Variants in CINP observed in about 807,000 individuals in gnomAD.
CINP encodes the protein cyclin-dependent kinase 2-interacting protein.
In CINP, 11 loss-of-function variants were observed where a neutral mutation model predicts 20.5. The observed-to-expected ratio is 0.54, with a 90% CI of 0.34 to 0.89. The LOEUF (loss-of-function observed/expected upper bound fraction) is 0.89. CINP is among the 40% of genes least tolerant of loss of function. The pLI, the probability that CINP is intolerant of heterozygous loss-of-function variation, is 0.02. For missense variants in CINP, 213 were observed against 251.0 expected, an observed-to-expected ratio of 0.85 and a Z score of 1.02; for synonymous variants, 108 against 102.1, an observed-to-expected ratio of 1.06 and a Z score of -0.35.
At chr14:102,354,658 G>T (rs1269538877) in intron 3 of CINP, among the ~76,000 whole-genome samples, 1 of 152,154 alleles carries the variant, frequency 6.6e-6, no homozygotes, top group East Asian at 1.9e-4. Flanking sequence ...GTGGAAGGTT[G>T]AGGCACAAGA....
intron 4 of CINP, 54 bp downstream of exon 4, chr14:102,349,865 A>G (rs1225085435): frequency 6.3e-6 from 10 of 1,598,364 alleles, no homozygotes; most frequent in African/African-American, 1.3e-5. Context: ...ACGATACTAA[A>G]TGCCCTTAAT....
rs992716851 is a variant in CINP at position 102,362,750 on chromosome 14, A to T, written c.7+95T>A. 8 of 1,515,332 alleles carry T rather than the reference A, an allele frequency of 5.3e-6. No individual in the cohort carries two copies. The African/African-American group carries it at 1.1e-4, about 21-fold the overall frequency. The allele number at this position is 1,515,332 out of a possible 1,614,324, so 93.9% of individuals were successfully genotyped here. A position where few individuals can be genotyped will look rare whatever the true frequency, so the allele number is the denominator to read the frequency against. ...AGAGGACCTCCATTTAACCTCATGT[A>T]ATCCGGGGAGCTCCTGAGCTTCTGG... is the stretch of plus-strand genomic sequence containing the variant. On this transcript the variant is annotated intron_variant, in intron 1 of 4. Transcript: ENST00000216756.
Position 102,360,015 on chromosome 14 carries a change from G to A in CINP, c.8-428C>T, listed in dbSNP as rs182899895. The stretch of plus-strand genomic sequence containing the variant: ...ATACTTTAAATTTGCTCAGAGTAGC[G>A]TGGCCCATGAGTGCTAATCATTTCA... On this transcript the variant is annotated intron_variant, in intron 1 of 4. Coordinates refer to ENST00000216756, the MANE Select transcript of CINP (RefSeq NM_032630.3). Among the ~76,000 whole-genome samples, 12 of 152,150 alleles carry A rather than the reference G, an allele frequency of 7.9e-5. No individual in the cohort carries two copies. The East Asian group carries it at 1.3e-3, about 17-fold the overall frequency.
intron 1 of CINP, among the ~76,000 whole-genome samples, chr14:102,362,015 G>GAA (rs566906775): frequency 1.2e-4 from 18 of 152,188 alleles, no homozygotes; most frequent in Non-Finnish European, 1.9e-4. Flanking sequence ...ACTAGGGTAG[G>GAA]AACTATGTCT....
Position 102,355,860 on chromosome 14 carries a change from C to T in CINP, c.214G>A (p.Ala72Thr), listed in dbSNP as rs755707633. 6 of 1,614,068 alleles carry T rather than the reference C, an allele frequency of 3.7e-6. No homozygotes were observed. The highest frequency in any genetic ancestry group is 5.1e-6 in the Non-Finnish European group (6 of 1,180,028). The change falls in exon 3 of 5, where the codon GCC becomes ACC. Residue 72 changes from alanine to threonine, a missense_variant. Ala to Thr is a moderately conservative substitution (Grantham distance 58). Coordinates refer to ENST00000216756, the MANE Select transcript of CINP (RefSeq NM_032630.3). ...ACCTTTTCTTCATTTTCCTTCGAGG[C>T]TGGGCTGCTGCTGTCTAGTTCTATC... ...DKIELDSSSPASKENEEKVCL... is the reference protein window; with the variant it reads ...DKIELDSSSPTSKENEEKVCL...
In CINP at chr14:102,351,438, C is replaced by G. The variant is rs1426702553; in HGVS notation, c.307-1390G>C. On this transcript the variant is annotated intron_variant, in intron 3 of 4. Transcript: ENST00000216756. The surrounding 1 kb of genome is among the most constrained non-coding windows in gnomAD (Gnocchi z 4.2). ...AAGTGAGTTAGTATTTGTGAAGCAC[C>G]TACTTGGAGATATATAAGGGTTGGA... 6.6e-6 allele frequency among the ~76,000 whole-genome samples: 1 copy of G among 152,092 alleles called. No individual in the cohort carries two copies. Among genetic ancestry groups the G allele is most frequent in the Non-Finnish European group, 1.5e-5 (1 of 68,038 alleles).
intron 3 of CINP, among the ~76,000 whole-genome samples, chr14:102,355,243 G>A (rs1252924294): frequency 2.6e-5 from 4 of 152,134 alleles, no homozygotes; most frequent in Non-Finnish European, 5.9e-5. Flanking sequence ...GTGGCTGGGC[G>A]TGGTAGCTCA....
chr14:102,350,082 A>C, intron 3 of CINP, 34 bp from the exon 4 acceptor site: 1 of 1,570,366 alleles, frequency 6.4e-7, no homozygotes, highest in East Asian at 2.2e-5. Flanking sequence ...TGATAATATT[A>C]TTTGAAATCT....
rs147699092 is a variant in CINP at position 102,348,975 on chromosome 14, G to A, written c.437-216C>T. Reference sequence around the variant, plus strand: ...GTGAAATAAAAAGTGTATACAAGCCGGGCGTGGTGGCCCACACCTGTAATC... The same window carrying A: ...GTGAAATAAAAAGTGTATACAAGCCAGGCGTGGTGGCCCACACCTGTAATC... On this transcript the variant is annotated intron_variant, in intron 4 of 4. Transcript: ENST00000216756. 2.0e-5 allele frequency among the ~76,000 whole-genome samples: 3 copies of A among 152,296 alleles called. No homozygotes were observed. In the East Asian group the frequency reaches 5.8e-4, roughly 29 times the overall value.
chr14:102,352,901 G>A (rs979446583), intron 3 of CINP, among the ~76,000 whole-genome samples: 4 of 151,458 alleles, frequency 2.6e-5, no homozygotes, highest in African/African-American at 7.3e-5. Flanking sequence ...CACCTGCCTC[G>A]GCCTCCTAGA....
At chr14:102,352,632 A>T in intron 3 of CINP, 1 of 436,714 alleles carries the variant, frequency 2.3e-6, no homozygotes, top group African/African-American at 2.1e-5. Flanking sequence ...ATAGAATGAG[A>T]ACTTATTCCC....
chr14:102,350,146 T>C, intron 3 of CINP, 98 bp from the exon 4 acceptor site: 1 of 1,165,132 alleles, frequency 8.6e-7, no homozygotes, highest in South Asian at 1.5e-5. Flanking sequence ...TGTAAGTCTA[T>C]TATGATAAAA....
chr14:102,354,945 T>C (rs1487387270), intron 3 of CINP, among the ~76,000 whole-genome samples: 1 of 151,746 alleles, frequency 6.6e-6, no homozygotes, highest in Non-Finnish European at 1.5e-5. Context: ...GGCACGAGCC[T>C]GTAATCCCAG....
chr14:102,354,277 C>A (rs1014058387), intron 3 of CINP, among the ~76,000 whole-genome samples: 1 of 152,174 alleles, frequency 6.6e-6, no homozygotes, highest in Non-Finnish European at 1.5e-5. Flanking sequence ...TAGTCTCTTA[C>A]GTGCTGTATC....
intron 3 of CINP, 131 bp downstream of exon 3, chr14:102,355,637 G>T: frequency 1.0e-6 from 1 of 997,650 alleles, no homozygotes. Context: ...GGTTTACGCA[G>T]CAGGCAGAGG....
chr14:102,362,679 G>A (rs2139639035), intron 1 of CINP, 166 bp downstream of exon 1: 2 of 873,952 alleles, frequency 2.3e-6, no homozygotes, highest in Admixed American at 2.0e-5. Flanking sequence ...CTCCCGAGCA[G>A]CTCGCAGAGG....
intron 2 of CINP, 27 bp from the exon 3 acceptor site, chr14:102,355,924 C>T (rs1597748804): frequency 6.2e-7 from 1 of 1,610,946 alleles, no homozygotes; most frequent in Non-Finnish European, 8.5e-7. Flanking sequence ...ATAATGTGTA[C>T]AAAATATACT....
chr14:102,356,081 T>C lies in CINP; in HGVS notation c.177-184A>G, dbSNP rs149463338. Among the ~76,000 whole-genome samples the C allele has an allele frequency of 7.1e-3, 1,080 of 152,278 alleles. 5 individuals are homozygous for C. The highest frequency in any genetic ancestry group is 0.017 in the Middle Eastern group (5 of 294). ...TTTATATGTGCAATGAATATGTCCA[T>C]TGGTCACTCAATTTTGCACCAAAAT... On this transcript the variant is annotated intron_variant, in intron 2 of 4. Transcript: ENST00000216756.
Position 102,354,891 on chromosome 14 carries a change from G to A in CINP, c.306+877C>T, listed in dbSNP as rs544724742. Among the ~76,000 whole-genome samples, 7 of 152,156 alleles carry A rather than the reference G, an allele frequency of 4.6e-5. 1 individual carries two copies. The South Asian group carries it at 1.2e-3, about 27-fold the overall frequency. ...TCGAGACCAGCCTGGTCAACATGGTGAAATGCTGTCTCTACTAAAAATACA... is the reference window on the plus strand; with the variant it reads ...TCGAGACCAGCCTGGTCAACATGGTAAAATGCTGTCTCTACTAAAAATACA... On this transcript the variant is annotated intron_variant, in intron 3 of 4. Transcript: ENST00000216756.
Sources: gnomAD v4.1 joint callset for allele counts (sites outside exome capture counted in the v4.1 genomes callset) on GRCh38, gnomAD v4.1.1 for gene constraint, Gnocchi (gnomAD v3.1) non-coding constraint, MANE v1.5 for transcripts, NCBI Gene and HGNC (gene_info 2026-07-23, HGNC 2026-07-21) for gene names.